The following NIF3L1 variants were observed in gnomAD, a reference collection of about 807,000 sequenced individuals.
The protein encoded by NIF3L1 is NGG1 interacting factor 3 like 1.
A neutral mutation model predicts 35.0 loss-of-function variants in NIF3L1; 26 were observed. That is an observed-to-expected ratio of 0.74 (90% CI 0.54 to 1.03). NIF3L1 has a LOEUF of 1.03. Ranked by LOEUF, NIF3L1 falls within the 50% of genes least tolerant of loss-of-function variation. NIF3L1 has a pLI of 0.00. For synonymous variants in NIF3L1, 157 were observed against 178.9 expected (o/e 0.88, Z 0.98); for missense variants, 449 against 466.3 (o/e 0.96, Z 0.34).
intron 6 of NIF3L1, among the ~76,000 whole-genome samples, chr2:200,900,373 C>T (rs2040393616): frequency 6.6e-6 from 1 of 152,206 alleles, no homozygotes; most frequent in Admixed American, 6.5e-5. Flanking sequence ...GGGGTTGCCA[C>T]TTTGTTTACC....
At chr2:200,891,449 G>T (rs572447534) in intron 1 of NIF3L1, among the ~76,000 whole-genome samples, 1 of 152,176 alleles carries the variant, frequency 6.6e-6, no homozygotes, top group Admixed American at 6.5e-5. Context: ...AGAATTATGA[G>T]AATACTGAGG....
At chr2:200,897,036 C>T in intron 4 of NIF3L1, 40 bp from the exon 5 acceptor site, 1 of 1,603,596 alleles carries the variant, frequency 6.2e-7, no homozygotes, top group Non-Finnish European at 8.5e-7. Flanking sequence ...TGTTTTAGGA[C>T]TAACAATGCA....
At position 200,892,258 on chromosome 2, in the gene NIF3L1, G is replaced by A. The variant is rs563827132; in HGVS notation, c.315G>A (p.Trp105Ter). Reference sequence around the variant, plus strand: ...TCCGACCCATGAAGCGCATAACCTGGAACACATGGAAGGAGCGCCTGGTGA... The same window carrying A: ...TCCGACCCATGAAGCGCATAACCTGAAACACATGGAAGGAGCGCCTGGTGA... Reference protein sequence around the residue: ...PIFRPMKRITWNTWKERLVIR... With the variant: ...PIFRPMKRIT The change falls in exon 2 of 7, where the codon TGG becomes TGA. Residue 105 changes from tryptophan to a stop codon, truncating the protein, a stop_gained. Coordinates refer to ENST00000409020, the MANE Select transcript of NIF3L1 (RefSeq NM_001369441.2). LOFTEE classifies it high-confidence loss of function. The A allele has an allele frequency of 5.1e-5, 82 of 1,614,002 alleles. No homozygotes were observed. The highest frequency in any genetic ancestry group is 6.5e-5 in the Non-Finnish European group (77 of 1,180,036).
In NIF3L1 at chr2:200,895,354, A is replaced by G; in HGVS notation, c.690A>G (p.Gln230=). The change falls in exon 4 of 7, where the codon CAA becomes CAG. Residue 230 remains glutamine (Q), a synonymous_variant. Coordinates refer to ENST00000409020, the MANE Select transcript of NIF3L1 (RefSeq NM_001369441.2). The part of the protein sequence containing the change: ...QVVDFLSRNK[Q]LYQKTEILSL... The stretch of plus-strand genomic sequence containing the variant: ...TAGATTTTCTTTCCCGGAACAAACA[A>G]CTTTATCAGAAGACGGAAATTCTGT... The G allele has an allele frequency of 6.2e-7, 1 of 1,614,066 alleles. No individual in the cohort carries two copies.
chr2:200,893,277 CA>C lies in NIF3L1; in HGVS notation c.471del (p.Ala158LeufsTer12). On this transcript the variant is annotated frameshift_variant, in exon 3 of 7. Coordinates refer to ENST00000409020, the MANE Select transcript of NIF3L1 (RefSeq NM_001369441.2). LOFTEE classifies it high-confidence loss of function. ...ACTSRPIHPS[K>X]APNYPTEGNH... ...GTACCTCCAGGCCCATACATCCTTC[CA>C]AAGCTCCCAACTACCCTACAGAGGG... 6.4e-7 allele frequency: 1 copy of C among 1,571,714 alleles called. No homozygotes were observed. Among genetic ancestry groups the C allele is most frequent in the Non-Finnish European group, 8.6e-7 (1 of 1,156,948 alleles).
intron 4 of NIF3L1, among the ~76,000 whole-genome samples, chr2:200,895,978 CT>C (rs112961248): frequency 0.013 from 1,964 of 145,778 alleles, 31 homozygotes; most frequent in African/African-American, 0.04. Context: ...GCCACCCCCG[CT>C]TTTTTTTTTT....
At chr2:200,890,459 A>C (rs1195195453) in intron 1 of NIF3L1, 1 of 152,230 alleles carries the variant, frequency 6.6e-6, no homozygotes, top group Non-Finnish European at 1.5e-5. Context: ...CATCTCATTA[A>C]ATAGAAATGT....
At position 200,903,771 on chromosome 2, in the gene NIF3L1, G is replaced by T; in HGVS notation, c.*93G>T. ...TCAGTGGGACTGGTGTGCTTCCAGAGAGTGTCTTCGAGGGTATCATCATTT... is the reference window on the plus strand; with the variant it reads ...TCAGTGGGACTGGTGTGCTTCCAGATAGTGTCTTCGAGGGTATCATCATTT... On this transcript the variant is annotated 3_prime_UTR_variant, in exon 7 of 7. Coordinates refer to ENST00000409020, the MANE Select transcript of NIF3L1 (RefSeq NM_001369441.2). The T allele has an allele frequency of 1.1e-6, 1 of 949,732 alleles. No individual in the cohort carries two copies. The highest frequency in any genetic ancestry group is 1.3e-5 in the South Asian group (1 of 76,646). The allele number at this position is 949,732 out of a possible 1,614,324, so 58.8% of individuals were successfully genotyped here. A position where few individuals can be genotyped will look rare whatever the true frequency, so the allele number is the denominator to read the frequency against.
intron 1 of NIF3L1, among the ~76,000 whole-genome samples, 164 bp downstream of exon 1, chr2:200,889,816 A>T (rs1386762775): frequency 1.3e-5 from 2 of 152,192 alleles, no homozygotes; most frequent in Non-Finnish European, 2.9e-5. Context: ...ACTGCACAGG[A>T]TAAGTCATTT....
chr2:200,897,397 A>G (rs1208566315), intron 5 of NIF3L1, among the ~76,000 whole-genome samples, 183 bp downstream of exon 5: 3 of 152,102 alleles, frequency 2.0e-5, no homozygotes, highest in Non-Finnish European at 4.4e-5. Flanking sequence ...GACTTAATCA[A>G]TGAGATTTAT....
intron 4 of NIF3L1, 144 bp from the exon 5 acceptor site, chr2:200,896,932 G>A (rs534619066): frequency 7.7e-6 from 6 of 776,660 alleles, no homozygotes. Flanking sequence ...TGAACTCCTA[G>A]AAGAATGATT....
chr2:200,892,757 A>C (rs999980728), intron 2 of NIF3L1, among the ~76,000 whole-genome samples: 1 of 152,220 alleles, frequency 6.6e-6, no homozygotes, highest in Non-Finnish European at 1.5e-5. Flanking sequence ...GAATGTTTTT[A>C]GTGAATGTTT....
chr2:200,893,326 G>T lies in NIF3L1; in HGVS notation c.517G>T (p.Val173Phe), dbSNP rs778826172. 1.2e-6 allele frequency: 2 copies of T among 1,611,786 alleles called. No individual in the cohort carries two copies. Among genetic ancestry groups the T allele is most frequent in the Non-Finnish European group, 1.7e-6 (2 of 1,178,908 alleles). Residue 173 changes from valine to phenylalanine, a missense_variant, in exon 3 of 7, where the codon GTT becomes TTT. Coordinates refer to ENST00000409020, the MANE Select transcript of NIF3L1 (RefSeq NM_001369441.2). ...GGGAAACCACCGAGTAGAATTCAACGTTAACTACACCCAAGACCTGGACAA... is the reference window on the plus strand; with the variant it reads ...GGGAAACCACCGAGTAGAATTCAACTTTAACTACACCCAAGACCTGGACAA... ...TEGNHRVEFN[V>F]NYTQDLDKVM...
intron 6 of NIF3L1, among the ~76,000 whole-genome samples, chr2:200,900,366 G>A (rs1291543201): frequency 6.6e-6 from 1 of 152,166 alleles, no homozygotes; most frequent in Admixed American, 6.5e-5. Context: ...ATTTTAAGGG[G>A]TTGCCACTTT....
intron 5 of NIF3L1, 105 bp downstream of exon 5, chr2:200,897,319 C>T: frequency 7.9e-7 from 1 of 1,258,392 alleles, no homozygotes; most frequent in Non-Finnish European, 1.1e-6. Context: ...GTTAGCAGCT[C>T]ATAGGAGATA....
At chr2:200,894,427 G>T (rs958066589) in intron 3 of NIF3L1, among the ~76,000 whole-genome samples, 2 of 151,932 alleles carry the variant, frequency 1.3e-5, no homozygotes, top group African/African-American at 2.4e-5. Flanking sequence ...TTGAGACAGA[G>T]TCTCACTCTG....
At position 200,889,460 on chromosome 2, in the gene NIF3L1, C is replaced by G. The variant is rs1203713011; in HGVS notation, c.-219C>G. The G allele has an allele frequency of 9.8e-6, 2 of 203,126 alleles. No individual in the cohort carries two copies. Among genetic ancestry groups the G allele is most frequent in the South Asian group, 1.4e-4 (2 of 14,584 alleles). 12.6% of individuals were successfully genotyped at this position (203,126 alleles called of 1,614,324 possible). On this transcript the variant is annotated 5_prime_UTR_variant, in exon 1 of 7. Coordinates refer to ENST00000409020, the MANE Select transcript of NIF3L1 (RefSeq NM_001369441.2). ...CTTCGCGGTAGGTGCCGGTTGGGGCCGGCTGTGATTGTTATCTTGGTGCTG... is the reference window on the plus strand; with the variant it reads ...CTTCGCGGTAGGTGCCGGTTGGGGCGGGCTGTGATTGTTATCTTGGTGCTG...
chr2:200,890,750 T>C (rs2040166098), intron 1 of NIF3L1, among the ~76,000 whole-genome samples: 1 of 152,150 alleles, frequency 6.6e-6, no homozygotes, highest in Non-Finnish European at 1.5e-5. Context: ...ATGTAGATAC[T>C]TAGAAGGCTT....
At chr2:200,892,773 T>C (rs1362107195) in intron 2 of NIF3L1, among the ~76,000 whole-genome samples, 2 of 152,268 alleles carry the variant, frequency 1.3e-5, no homozygotes, top group Non-Finnish European at 2.9e-5. Context: ...TGTTTACTTA[T>C]GCCTAGCACA....
Sources: gnomAD v4.1 joint callset for allele counts (sites outside exome capture counted in the v4.1 genomes callset) on GRCh38, gnomAD v4.1.1 for gene constraint, MANE v1.5 for transcripts, NCBI Gene and HGNC (gene_info 2026-07-23, HGNC 2026-07-21) for gene names.